Variants in LPA observed in about 807,000 individuals in gnomAD.
LPA encodes the protein lipoprotein(a), also known as apolipoprotein(a).
In LPA, 199 loss-of-function variants were observed where a neutral mutation model predicts 197.9. That is an observed-to-expected ratio of 1.01 (90% CI 0.90 to 1.13). LPA has a LOEUF of 1.13. LPA is among the 50% of genes most tolerant of loss of function. LPA has a pLI of 0.00. For missense variants in LPA, 1,853 were observed against 1,785.8 expected, an observed-to-expected ratio of 1.04 and a Z score of -0.68; for synonymous variants, 715 against 639.5, an observed-to-expected ratio of 1.12 and a Z score of -1.78.
At chr6:160,546,375 T>A (rs1455721161) in intron 32 of LPA, among the ~76,000 whole-genome samples, 1 of 152,296 alleles carries the variant, frequency 6.6e-6, no homozygotes. Context: ...GGAGAGGGCA[T>A]AGAGGCTCTG....
At position 160,542,732 on chromosome 6, in the gene LPA, C is replaced by A; in HGVS notation, c.5475G>T (p.Val1825=). ...GCCAGGGCCAGGAATGTGGGTGGGC[C>A]ACACACCCCCCTACAATGCTTCCAG... ...KCPGSIVGGC[V]AHPHSWPWQV... is the part of the protein sequence containing the mutation. Residue 1825 remains valine, a synonymous_variant, in exon 34 of 39, where the codon GTG becomes GTT. Coordinates refer to ENST00000316300, the MANE Select transcript of LPA (RefSeq NM_005577.4). 6.2e-7 allele frequency: 1 copy of A among 1,613,916 alleles called. No individual in the cohort carries two copies. Among genetic ancestry groups the A allele is most frequent in the South Asian group, 1.1e-5 (1 of 91,070 alleles).
chr6:160,591,201 CTT>C, intron 22 of LPA, 100 bp from the exon 23 acceptor site: 5 of 1,453,022 alleles, frequency 3.4e-6, no homozygotes, highest in Non-Finnish European at 4.7e-6. Flanking sequence ...TAAAAAGTGA[CTT>C]TGAAATATTC....
chr6:160,548,926 C>T (rs1360648523), intron 30 of LPA, among the ~76,000 whole-genome samples: 2 of 152,012 alleles, frequency 1.3e-5, no homozygotes, highest in African/African-American at 2.4e-5. Context: ...GAGGAAATAC[C>T]CGAGACAGAC....
At chr6:160,582,989 C>T (rs921211207) in intron 26 of LPA, among the ~76,000 whole-genome samples, 1 of 151,990 alleles carries the variant, frequency 6.6e-6, no homozygotes, top group African/African-American at 2.4e-5. Flanking sequence ...GTGATTTTCT[C>T]ATTAAAGAGA....
At chr6:160,549,847 G>A (rs1032639871) in intron 30 of LPA, among the ~76,000 whole-genome samples, 1 of 152,202 alleles carries the variant, frequency 6.6e-6, no homozygotes, top group African/African-American at 2.4e-5. Flanking sequence ...GGGACCCAAG[G>A]CATAAAGTGA....
rs1235491413 is a variant in LPA at position 160,664,198 on chromosome 6, A to G, written c.17T>C (p.Val6Ala). The part of the protein sequence containing the change: MEHKE[V>A]VLLLLLFLKS... The stretch of plus-strand genomic sequence containing the variant: ...CAGAAATAAAAGAAGTAGAAGAACC[A>G]CTTCCTTATGTTCCATTTTGGGACT... Residue 6 changes from valine (V) to alanine (A), a missense_variant, in exon 1 of 39, where the codon GTG (valine) becomes GCG (alanine). Val to Ala is a moderately conservative substitution (Grantham distance 64, BLOSUM62 0). Transcript: ENST00000316300. The G allele has an allele frequency of 4.4e-6, 7 of 1,606,714 alleles. No individual in the cohort carries two copies. Among genetic ancestry groups the G allele is most frequent in the Non-Finnish European group, 4.2e-6 (5 of 1,178,060 alleles).
At position 160,582,591 on chromosome 6, in the gene LPA, C is replaced by T. The variant is rs184995164; in HGVS notation, c.4289+2455G>A. On this transcript the variant is annotated intron_variant, in intron 26 of 38. Transcript: ENST00000316300. ...ACTCTATGTAAAGGTATGTTTTTTC[C>T]CTTGGGCTTCAAATAAGATTTTACT... is the stretch of plus-strand genomic sequence containing the variant. Among the ~76,000 whole-genome samples, 162 of 151,978 alleles carry T rather than the reference C, an allele frequency of 1.1e-3. 2 individuals are homozygous for T. The highest frequency in any genetic ancestry group is 2.0e-3 in the Non-Finnish European group (137 of 67,912).
intron 24 of LPA, among the ~76,000 whole-genome samples, chr6:160,587,801 T>TCTG (rs1562333102): frequency 0.028 from 2,192 of 79,464 alleles, 27 homozygotes; most frequent in African/African-American, 0.059. Flanking sequence ...GTGTGTGTGT[T>TCTG]TCTGTCTGTT....
At chr6:160,551,752 G>A (rs1778169624) in intron 30 of LPA, among the ~76,000 whole-genome samples, 1 of 152,120 alleles carries the variant, frequency 6.6e-6, no homozygotes, top group Admixed American at 6.5e-5. Context: ...TTTGTATCAT[G>A]GATATCCAAA....
At chr6:160,586,850 G>C (rs1247380988) in intron 24 of LPA, among the ~76,000 whole-genome samples, 1 of 152,194 alleles carries the variant, frequency 6.6e-6, no homozygotes, top group Non-Finnish European at 1.5e-5. Context: ...AGTAATCTAT[G>C]CTTTATAAGA....
intron 30 of LPA, among the ~76,000 whole-genome samples, chr6:160,549,720 A>T (rs1014377219): frequency 2.0e-5 from 3 of 152,224 alleles, no homozygotes; most frequent in African/African-American, 7.2e-5. Flanking sequence ...CCCAGGCAGG[A>T]TGCTGTTTCT....
At chr6:160,579,431 C>G (rs1424113908) in intron 26 of LPA, among the ~76,000 whole-genome samples, 3 of 152,172 alleles carry the variant, frequency 2.0e-5, no homozygotes, top group East Asian at 3.9e-4. Flanking sequence ...AGTCCATCCT[C>G]TGCTGGCTGC....
Position 160,540,134 on chromosome 6 carries a change from C to A in LPA, c.5644G>T (p.Val1882Leu), listed in dbSNP as rs573087198. ...TCCTGAACATGAGATTCGAGGTTCA[C>A]TTCTTGGTGTGCACCCAGGATGACC... ...YKVILGAHQE[V>L]NLESHVQEIE... is the part of the protein sequence containing the mutation. Residue 1882 changes from valine (V) to leucine (L), a missense_variant, in exon 36 of 39, where the codon GTG becomes TTG. Val to Leu is a conservative substitution (Grantham distance 32, BLOSUM62 1). Coordinates refer to ENST00000316300, the MANE Select transcript of LPA (RefSeq NM_005577.4). The A allele has an allele frequency of 6.2e-7, 1 of 1,614,154 alleles. No homozygotes were observed. The highest frequency in any genetic ancestry group is 8.5e-7 in the Non-Finnish European group (1 of 1,180,032).
chr6:160,610,974 C>T (rs1170868618), intron 16 of LPA, among the ~76,000 whole-genome samples: 2 of 152,148 alleles, frequency 1.3e-5, no homozygotes, highest in Admixed American at 6.5e-5. Context: ...CTACCCATCC[C>T]TTTTACTTTT....
intron 1 of LPA, among the ~76,000 whole-genome samples, chr6:160,654,415 A>G (rs1226034922): frequency 6.6e-6 from 1 of 151,790 alleles, no homozygotes; most frequent in East Asian, 2.0e-4. Context: ...ACTGACTCAA[A>G]TGTTAATCTC....
intron 28 of LPA, among the ~76,000 whole-genome samples, chr6:160,559,956 C>T (rs1778333892): frequency 6.6e-6 from 1 of 152,198 alleles, no homozygotes; most frequent in South Asian, 2.1e-4. Context: ...AACTCCCCAA[C>T]AGGCCCCTGT....
intron 18 of LPA, among the ~76,000 whole-genome samples, chr6:160,604,240 T>A (rs1779300559): frequency 6.6e-6 from 1 of 152,184 alleles, no homozygotes; most frequent in East Asian, 1.9e-4. Context: ...ACAGTCCATC[T>A]GGGCTCCATC....
At chr6:160,559,016 A>G (rs1778318261) in intron 28 of LPA, among the ~76,000 whole-genome samples, 1 of 152,184 alleles carries the variant, frequency 6.6e-6, no homozygotes, top group Non-Finnish European at 1.5e-5. Flanking sequence ...TGCCCTTTTT[A>G]CAGTTGAGAT....
At chr6:160,662,640 T>C (rs1473212160) in intron 1 of LPA, among the ~76,000 whole-genome samples, 1 of 152,132 alleles carries the variant, frequency 6.6e-6, no homozygotes, top group Non-Finnish European at 1.5e-5. Flanking sequence ...AGAATATTCA[T>C]ATCCCCTGCA....
Sources: gnomAD v4.1 joint callset for allele counts (sites outside exome capture counted in the v4.1 genomes callset) on GRCh38, gnomAD v4.1.1 for gene constraint, MANE v1.5 for transcripts, NCBI Gene and HGNC (gene_info 2026-07-23, HGNC 2026-07-21) for gene names.